CPQ: variants seen among roughly 807,000 people sequenced by gnomAD.
CPQ encodes the protein carboxypeptidase Q, also known as Ser-Met dipeptidase.
CPQ carries 37 observed loss-of-function variants against 45.7 expected under a neutral mutation model. That is an observed-to-expected ratio of 0.81 (90% confidence interval 0.62 to 1.07). The LOEUF (loss-of-function observed/expected upper bound fraction) is 1.07. Among genes scored for constraint, CPQ ranks in the 50% least tolerant of loss-of-function variants. The probability of loss-of-function intolerance (pLI) is 0.00; values close to 1 mark genes in which losing one functional copy is unlikely to be tolerated. For missense variants in CPQ, 537 were observed against 572.9 expected (o/e 0.94, Z 0.64); for synonymous variants, 186 against 205.8 (o/e 0.90, Z 0.82).
At chr8:96,903,666 C>A (rs1443769839) in intron 4 of CPQ, among the ~76,000 whole-genome samples, 1 of 152,128 alleles carries the variant, frequency 6.6e-6, no homozygotes, top group Non-Finnish European at 1.5e-5. Context: ...AAAATTGAGA[C>A]TCAGAGAAGA....
chr8:97,078,370 T>C (rs1810886507), intron 7 of CPQ, among the ~76,000 whole-genome samples: 1 of 152,170 alleles, frequency 6.6e-6, no homozygotes, highest in Non-Finnish European at 1.5e-5. Context: ...TGCTACTGGA[T>C]TGTTCATTGT....
intron 1 of CPQ, among the ~76,000 whole-genome samples, chr8:96,778,951 G>A (rs1810650240): frequency 6.6e-6 from 1 of 151,652 alleles, no homozygotes; most frequent in Non-Finnish European, 1.5e-5. Context: ...TGTAATCTCA[G>A]CTTCTCGGGA....
At chr8:97,124,854 C>T (rs1811818669) in intron 7 of CPQ, among the ~76,000 whole-genome samples, 2 of 151,886 alleles carry the variant, frequency 1.3e-5, no homozygotes, top group South Asian at 4.2e-4. Context: ...ATCTAGCTTC[C>T]ACATTAAGAA....
chr8:96,940,067 T>C (rs1346565222), intron 4 of CPQ, among the ~76,000 whole-genome samples: 1 of 152,184 alleles, frequency 6.6e-6, no homozygotes, highest in African/African-American at 2.4e-5. Flanking sequence ...TCTGTTATCA[T>C]AATAAATATT....
At chr8:97,105,526 T>C (rs1476633441) in intron 7 of CPQ, among the ~76,000 whole-genome samples, 1 of 152,204 alleles carries the variant, frequency 6.6e-6, no homozygotes, top group Non-Finnish European at 1.5e-5. Flanking sequence ...CTATAAACAT[T>C]GGTATACAAA....
intron 4 of CPQ, among the ~76,000 whole-genome samples, chr8:96,924,520 T>G (rs147164088): frequency 2.0e-5 from 3 of 152,060 alleles, no homozygotes; most frequent in Admixed American, 6.5e-5. Context: ...TTTGCAACTC[T>G]TGTGCATTGA....
chr8:96,982,725 T>C (rs955225599), intron 5 of CPQ, among the ~76,000 whole-genome samples: 2 of 152,228 alleles, frequency 1.3e-5, no homozygotes, highest in Non-Finnish European at 2.9e-5. Flanking sequence ...GCAGTTAGCA[T>C]GCTTGAACAG....
At chr8:96,857,087 A>T (rs1044604237) in intron 3 of CPQ, among the ~76,000 whole-genome samples, 1 of 152,136 alleles carries the variant, frequency 6.6e-6, no homozygotes, top group Non-Finnish European at 1.5e-5. Flanking sequence ...CTCTGCCTGG[A>T]CAGGCCTGTA....
At chr8:96,715,849 T>A (rs1809666970) in intron 1 of CPQ, among the ~76,000 whole-genome samples, 1 of 152,196 alleles carries the variant, frequency 6.6e-6, no homozygotes, top group Non-Finnish European at 1.5e-5. Flanking sequence ...CTCCTCTTAG[T>A]TTAGCCACCC....
chr8:97,030,238 G>A (rs1368008850), intron 6 of CPQ, among the ~76,000 whole-genome samples: 2 of 152,218 alleles, frequency 1.3e-5, no homozygotes, highest in African/African-American at 4.8e-5. Context: ...CCAGAGAGGA[G>A]CATTTGGTCT....
intron 1 of CPQ, among the ~76,000 whole-genome samples, chr8:96,713,486 T>C (rs187884002): frequency 1.6e-4 from 24 of 152,300 alleles, no homozygotes; most frequent in Admixed American, 9.8e-4. Flanking sequence ...CTCAGGAAAC[T>C]GACAGTAAGC....
intron 4 of CPQ, among the ~76,000 whole-genome samples, chr8:96,900,255 A>G (rs891421760): frequency 2.0e-5 from 3 of 152,162 alleles, no homozygotes; most frequent in Non-Finnish European, 4.4e-5. Flanking sequence ...CAATGCCCCC[A>G]CTAACAACAT....
At chr8:97,113,329 G>A (rs1586547361) in intron 7 of CPQ, among the ~76,000 whole-genome samples, 1 of 152,196 alleles carries the variant, frequency 6.6e-6, no homozygotes, top group Non-Finnish European at 1.5e-5. Context: ...GGAGAAGGGT[G>A]TGGGGTAAAA....
chr8:96,832,665 A>G (rs753785043), intron 2 of CPQ, among the ~76,000 whole-genome samples: 6 of 152,136 alleles, frequency 3.9e-5, no homozygotes, highest in Non-Finnish European at 8.8e-5. Flanking sequence ...AATGCTCCCT[A>G]AAGAAGTGAT....
chr8:96,806,301 C>T (rs4489298), intron 2 of CPQ, among the ~76,000 whole-genome samples: 3,149 of 151,994 alleles, frequency 0.021, 122 homozygotes, highest in African/African-American at 0.072. Flanking sequence ...CATAAAAGTT[C>T]GGCTCTAAAA....
chr8:96,791,621 T>C (rs1056290573), intron 2 of CPQ, among the ~76,000 whole-genome samples: 1 of 152,192 alleles, frequency 6.6e-6, no homozygotes, highest in Non-Finnish European at 1.5e-5. Flanking sequence ...AACAGTTGTC[T>C]GGCAACTGGA....
chr8:96,753,594 C>A (rs1169323124), intron 1 of CPQ, among the ~76,000 whole-genome samples: 1 of 139,176 alleles, frequency 7.2e-6, no homozygotes, highest in Non-Finnish European at 1.7e-5. Context: ...TCCCTCATTA[C>A]ATTTTCTAAT....
At chr8:97,121,180 TACATA>T (rs1368114397) in intron 7 of CPQ, among the ~76,000 whole-genome samples, 2 of 152,208 alleles carry the variant, frequency 1.3e-5, no homozygotes, top group African/African-American at 4.8e-5. Flanking sequence ...GCAAGAGCAA[TACATA>T]ACATGTGTTC....
intron 7 of CPQ, among the ~76,000 whole-genome samples, chr8:97,118,957 T>G (rs773309791): frequency 2.6e-5 from 4 of 151,896 alleles, no homozygotes; most frequent in Non-Finnish European, 5.9e-5. Context: ...AATGGCAGAG[T>G]TGAGTGATTG....
Sources: allele counts gnomAD v4.1 joint callset (sites outside exome capture counted in the v4.1 genomes callset), GRCh38; gene constraint gnomAD v4.1.1; transcripts MANE v1.5; gene names NCBI Gene and HGNC (gene_info 2026-07-23, HGNC 2026-07-21).